The following CARD8 variants were observed in gnomAD, a reference collection of about 807,000 sequenced individuals.
CARD8 encodes caspase recruitment domain-containing protein 8.
Under a neutral mutation model 53.2 loss-of-function variants are expected in CARD8, and 38 were observed. That is an observed-to-expected ratio of 0.71 (90% confidence interval 0.55 to 0.94). The LOEUF (loss-of-function observed/expected upper bound fraction) is 0.94. Ranked by LOEUF, CARD8 falls within the 40% of genes least tolerant of loss-of-function variation. The pLI is 0.00. For missense variants in CARD8, 561 were observed against 655.5 expected, an observed-to-expected ratio of 0.86 and a Z score of 1.57; for synonymous variants, 245 against 244.9, an observed-to-expected ratio of 1.00 and a Z score of 0.00.
chr19:48,215,518 A>G lies in CARD8; in HGVS notation c.1304-134T>C, dbSNP rs1221971147. The G allele has an allele frequency of 8.0e-6, 5 of 623,740 alleles. No individual in the cohort carries two copies. The East Asian group carries it at 1.2e-4, about 15-fold the overall frequency. The allele number at this position is 623,740 out of a possible 1,614,324, so 38.6% of individuals were successfully genotyped here. A position where few individuals can be genotyped will look rare whatever the true frequency, so the allele number is the denominator to read the frequency against. ...TCATAAGGCTCTTGTTTTGCACACT[A>G]ATACACTGAGGAAACCCCATTAAGT... On this transcript the variant is annotated intron_variant, in intron 12 of 13. Coordinates refer to ENST00000651546, the MANE Select transcript of CARD8 (RefSeq NM_001184900.3).
chr19:48,248,810 G>A (rs915660221), intron 3 of CARD8, among the ~76,000 whole-genome samples: 12 of 152,146 alleles, frequency 7.9e-5, no homozygotes, highest in African/African-American at 2.7e-4. Flanking sequence ...ATCAAAGAAT[G>A]GATACATTGA....
downstream of CARD8, chr19:48,204,246 G>A (rs1354392156): frequency 2.2e-6 from 1 of 453,118 alleles, no homozygotes; most frequent in African/African-American, 2.0e-5. Flanking sequence ...CAGTAACCCT[G>A]GAGTGGAAGG....
intron 5 of CARD8, 68 bp from the exon 6 acceptor site, chr19:48,234,611 C>G: frequency 7.0e-7 from 1 of 1,435,772 alleles, no homozygotes; most frequent in Non-Finnish European, 9.4e-7. Flanking sequence ...ATAGGCTGTG[C>G]AGGAAGATTT....
At chr19:48,238,640 C>T in intron 4 of CARD8, 108 bp from the exon 5 acceptor site, 1 of 1,041,354 alleles carries the variant, frequency 9.6e-7, no homozygotes, top group Non-Finnish European at 1.4e-6. Flanking sequence ...TTAGAGATAT[C>T]CATCCTTAGA....
At chr19:48,254,088 T>A (rs1370485551) in intron 1 of CARD8, among the ~76,000 whole-genome samples, 1 of 152,212 alleles carries the variant, frequency 6.6e-6, no homozygotes, top group Non-Finnish European at 1.5e-5. Flanking sequence ...GTTATCTGAA[T>A]ATATGTACAA....
At chr19:48,254,106 TA>T (rs1029014764) in intron 1 of CARD8, among the ~76,000 whole-genome samples, 1 of 152,208 alleles carries the variant, frequency 6.6e-6, no homozygotes, top group African/African-American at 2.4e-5. Flanking sequence ...CAATGAGTTA[TA>T]AATAATAAAT....
At chr19:48,244,782 TGAG>T (rs989564628) in intron 3 of CARD8, among the ~76,000 whole-genome samples, 3 of 152,116 alleles carry the variant, frequency 2.0e-5, no homozygotes, top group Non-Finnish European at 4.4e-5. Flanking sequence ...AGAAAATAGG[TGAG>T]AAGACCAGGA....
At chr19:48,255,133 C>A (rs1244200758) in intron 1 of CARD8, among the ~76,000 whole-genome samples, 1 of 152,126 alleles carries the variant, frequency 6.6e-6, no homozygotes, top group Admixed American at 6.5e-5. Flanking sequence ...TTTGGGAGGC[C>A]AAGGCGGGCT....
At chr19:48,229,092 T>C (rs761891511) in intron 10 of CARD8, among the ~76,000 whole-genome samples, 1 of 151,978 alleles carries the variant, frequency 6.6e-6, no homozygotes, top group East Asian at 1.9e-4. Context: ...TGAGCCGCAA[T>C]TGCCACTGCA....
chr19:48,235,802 C>A (rs2043769326), intron 5 of CARD8, among the ~76,000 whole-genome samples: 2 of 147,268 alleles, frequency 1.4e-5, no homozygotes, highest in Admixed American at 1.4e-4. Context: ...GAAGTAAGTT[C>A]AAAACCAAAC....
chr19:48,244,031 T>G (rs559966151), intron 3 of CARD8, among the ~76,000 whole-genome samples: 712 of 152,206 alleles, frequency 4.7e-3, no homozygotes, highest in African/African-American at 0.016. Context: ...TATGATCAAT[T>G]ACAGCAGTTG....
At chr19:48,203,957 A>T (rs12327577), downstream of CARD8, 5,337 of 297,854 alleles carry the variant, frequency 0.018, 277 homozygotes, top group African/African-American at 0.11. Flanking sequence ...CCCTTTGCTG[A>T]GTGTGAGGGC....
At chr19:48,207,852 T>C (rs1401714359), downstream of CARD8, among the ~76,000 whole-genome samples, 1 of 151,026 alleles carries the variant, frequency 6.6e-6, no homozygotes, top group Admixed American at 6.6e-5. Context: ...TCTCATGCCT[T>C]AGCCTCCCGA....
At chr19:48,217,367 T>C (rs2039546855) in intron 12 of CARD8, among the ~76,000 whole-genome samples, 1 of 152,186 alleles carries the variant, frequency 6.6e-6, no homozygotes, top group Non-Finnish European at 1.5e-5. Context: ...TTGAAAACCA[T>C]TCCACAACAT....
rs1455206893 is a variant in CARD8 at position 48,208,253 on chromosome 19, A to C, written c.*3457T>G. The C allele has an allele frequency of 6.6e-6, 1 of 152,198 alleles. No individual in the cohort carries two copies. Among genetic ancestry groups the C allele is most frequent in the African/African-American group, 2.4e-5 (1 of 41,442 alleles). The allele number at this position is 152,198 out of a possible 1,614,324, so 9.4% of individuals were successfully genotyped here. A position where few individuals can be genotyped will look rare whatever the true frequency, so the allele number is the denominator to read the frequency against. ...AATCATGAAGAGGATGGAGCTGCAG[A>C]ATCTGAGCATATAAAGACTTTTATG... On this transcript the variant is annotated 3_prime_UTR_variant, in exon 14 of 14. Transcript: ENST00000651546.
chr19:48,205,733 C>T (rs2037319016), downstream of CARD8, among the ~76,000 whole-genome samples: 1 of 152,006 alleles, frequency 6.6e-6, no homozygotes, highest in East Asian at 1.9e-4. Context: ...CCCACACAAT[C>T]GGGCCCCAGA....
At chr19:48,216,675 G>A (rs2039374698) in intron 12 of CARD8, among the ~76,000 whole-genome samples, 1 of 141,862 alleles carries the variant, frequency 7.0e-6, no homozygotes, top group African/African-American at 2.5e-5. Flanking sequence ...GAAGGTGATG[G>A]GATTGTGAGG....
At chr19:48,233,964 C>T (rs888986363) in intron 6 of CARD8, 6 of 160,270 alleles carry the variant, frequency 3.7e-5, no homozygotes, top group Non-Finnish European at 8.1e-5. Context: ...AGGGGCTTCA[C>T]GTTGGTAGTT....
chr19:48,221,970 T>G, intron 10 of CARD8, 115 bp from the exon 11 acceptor site: 1 of 737,986 alleles, frequency 1.4e-6, no homozygotes, highest in Non-Finnish European at 2.0e-6. Context: ...ATTCAATTGA[T>G]ATAAAGATTA....
Sources: gnomAD v4.1 joint callset for allele counts (sites outside exome capture counted in the v4.1 genomes callset) on GRCh38, gnomAD v4.1.1 for gene constraint, MANE v1.5 for transcripts, NCBI Gene and HGNC (gene_info 2026-07-23, HGNC 2026-07-21) for gene names.